CCAR1: variants seen among roughly 807,000 people sequenced by gnomAD.
CCAR1 encodes the protein cell division cycle and apoptosis regulator protein 1.
A neutral mutation model predicts 163.8 loss-of-function variants in CCAR1; 78 were observed. The ratio of observed to expected loss-of-function variants is 0.48; its 90% CI spans 0.40 to 0.57. CCAR1 has a LOEUF of 0.57. CCAR1 is among the 20% of genes least tolerant of loss of function. The probability of loss-of-function intolerance (pLI) is 0.00; values close to 1 mark genes in which losing one functional copy is unlikely to be tolerated. For missense variants in CCAR1, 1,019 were observed against 1,365.2 expected (o/e 0.75, Z 4.00); for synonymous variants, 443 against 460.7 (o/e 0.96, Z 0.49).
At chr10:68,777,094 T>G (rs980000319) in intron 19 of CCAR1, among the ~76,000 whole-genome samples, 11 of 152,210 alleles carry the variant, frequency 7.2e-5, no homozygotes, top group Non-Finnish European at 8.8e-5. Flanking sequence ...TTCCTTTCTT[T>G]CTGCAGTACC....
At chr10:68,747,092 A>G in intron 6 of CCAR1, 69 bp from the exon 7 acceptor site, 1 of 791,136 alleles carries the variant, frequency 1.3e-6, no homozygotes, top group Non-Finnish European at 2.0e-6. Context: ...AACTATGTAA[A>G]TCATTTTGGG....
At chr10:68,743,732 GTTTATTTA>G (rs1266621611) in intron 6 of CCAR1, among the ~76,000 whole-genome samples, 40 of 9,790 alleles carry the variant, frequency 4.1e-3, no homozygotes, top group East Asian at 0.083. Flanking sequence ...TTATTTGTTT[GTTTATTTA>G]TTTATTTATT....
intron 10 of CCAR1, among the ~76,000 whole-genome samples, chr10:68,750,214 C>CTTTTT (rs58204351): frequency 5.7e-5 from 3 of 52,986 alleles, no homozygotes; most frequent in African/African-American, 4.6e-5. Flanking sequence ...TTTCTTTTTT[C>CTTTTT]TTTTTTTTTT....
chr10:68,773,665 C>T (rs77597252), intron 19 of CCAR1, among the ~76,000 whole-genome samples: 1 of 136,682 alleles, frequency 7.3e-6, no homozygotes, highest in Non-Finnish European at 1.6e-5. Flanking sequence ...GACCCTGTCT[C>T]AAAAAAAAAA....
Position 68,749,081 on chromosome 10 carries a change from T to C in CCAR1, c.827-55T>C. 3.7e-6 allele frequency: 6 copies of C among 1,605,490 alleles called. No individual in the cohort carries two copies. In the South Asian group the frequency reaches 5.6e-5, roughly 15 times the overall value. Reference sequence around the variant, plus strand: ...TTGTTCCTCTAATTTTATCAGGTAATGCCTTCGAACTTTGTTTAGACACGC... The same window carrying C: ...TTGTTCCTCTAATTTTATCAGGTAACGCCTTCGAACTTTGTTTAGACACGC... On this transcript the variant is annotated intron_variant, in intron 8 of 24. Transcript: ENST00000265872.
chr10:68,744,628 G>A (rs1393291973), intron 6 of CCAR1, among the ~76,000 whole-genome samples: 1 of 152,154 alleles, frequency 6.6e-6, no homozygotes, highest in Non-Finnish European at 1.5e-5. Context: ...CTGTAAAAGA[G>A]ATTCCTGTTT....
chr10:68,721,347 G>C (rs1564524078), intron 1 of CCAR1, 65 bp downstream of exon 1: 2 of 260,808 alleles, frequency 7.7e-6, no homozygotes, highest in African/African-American at 2.4e-5. Flanking sequence ...ACATCTTGTC[G>C]AATCTGTGGA....
chr10:68,790,104 A>T (rs1743588464), intron 24 of CCAR1, among the ~76,000 whole-genome samples, 189 bp downstream of exon 24: 2 of 152,304 alleles, frequency 1.3e-5, no homozygotes, highest in South Asian at 2.1e-4. Flanking sequence ...CTGTAATCCC[A>T]GCACTTTGGG....
chr10:68,748,362 C>T (rs2056285446), intron 8 of CCAR1, among the ~76,000 whole-genome samples: 2 of 151,734 alleles, frequency 1.3e-5, no homozygotes, highest in Admixed American at 6.6e-5. Context: ...ATCACGCCAT[C>T]GCACTTCAGT....
chr10:68,727,003 TA>T (rs531688864), intron 2 of CCAR1, among the ~76,000 whole-genome samples: 1 of 145,810 alleles, frequency 6.9e-6, no homozygotes, highest in Non-Finnish European at 1.5e-5. Flanking sequence ...CAAAAAAAAA[TA>T]AAAATAAAAA....
intron 10 of CCAR1, among the ~76,000 whole-genome samples, chr10:68,752,120 G>A (rs536027612): frequency 1.5e-4 from 22 of 151,530 alleles, no homozygotes; most frequent in African/African-American, 4.8e-4. Flanking sequence ...GGGTTTCGCC[G>A]TGTTAGCCAG....
rs545467053 is a variant in CCAR1 at position 68,790,050 on chromosome 10, G to C, written c.3393+135G>C. ...AATGATAGCATTGTGACCTTCCTGA[G>C]ATTAGTAAAAAGTGATTCACAGGCT... On this transcript the variant is annotated intron_variant, in intron 24 of 24. Transcript: ENST00000265872. 1.4e-4 allele frequency: 79 copies of C among 569,484 alleles called. No individual in the cohort carries two copies. The African/African-American group carries it at 1.5e-3, about 11-fold the overall frequency. The allele number at this position is 569,484 out of a possible 1,614,324, so 35.3% of individuals were successfully genotyped here. A position where few individuals can be genotyped will look rare whatever the true frequency, so the allele number is the denominator to read the frequency against.
intron 2 of CCAR1, among the ~76,000 whole-genome samples, chr10:68,727,018 A>G (rs540316511): frequency 3.7e-4 from 56 of 151,076 alleles, no homozygotes; most frequent in South Asian, 1.9e-3. Flanking sequence ...ATAAAAAAAT[A>G]AATTCACAGA....
At position 68,791,307 on chromosome 10, in the gene CCAR1, A is replaced by C. The variant is rs764565570; in HGVS notation, c.*41A>C. ...GATGAGGAATGGTGTTAAATAATGTAATATATAAAAATCATGATATAAGAA... is the reference window on the plus strand; with the variant it reads ...GATGAGGAATGGTGTTAAATAATGTCATATATAAAAATCATGATATAAGAA... On this transcript the variant is annotated 3_prime_UTR_variant, in exon 25 of 25. Transcript: ENST00000265872. 2.3e-6 allele frequency: 3 copies of C among 1,298,702 alleles called. No individual in the cohort carries two copies. The South Asian group carries it at 4.1e-5, about 18-fold the overall frequency. The allele number at this position is 1,298,702 out of a possible 1,614,324, so 80.4% of individuals were successfully genotyped here. A position where few individuals can be genotyped will look rare whatever the true frequency, so the allele number is the denominator to read the frequency against.
intron 15 of CCAR1, among the ~76,000 whole-genome samples, chr10:68,759,694 G>A (rs1178798344): frequency 6.6e-6 from 1 of 151,906 alleles, no homozygotes; most frequent in Non-Finnish European, 1.5e-5. Flanking sequence ...TGAGCCATGA[G>A]CCATGGTTGT....
chr10:68,732,144 G>A (rs980038238), intron 2 of CCAR1, among the ~76,000 whole-genome samples: 1 of 152,148 alleles, frequency 6.6e-6, no homozygotes, highest in East Asian at 1.9e-4. Context: ...ATCTAAGGCC[G>A]TGGTTCAGGT....
At chr10:68,781,871 CAAAG>C (rs2056740626) in intron 19 of CCAR1, among the ~76,000 whole-genome samples, 1 of 151,914 alleles carries the variant, frequency 6.6e-6, no homozygotes, top group Non-Finnish European at 1.5e-5. Context: ...ATCATAATAA[CAAAG>C]AAAAAACCCA....
chr10:68,760,326 T>G (rs1279952454), intron 15 of CCAR1, among the ~76,000 whole-genome samples: 3 of 152,142 alleles, frequency 2.0e-5, no homozygotes, highest in Admixed American at 6.6e-5. Context: ...TTATGAGACA[T>G]TTAGACTCTT....
intron 10 of CCAR1, among the ~76,000 whole-genome samples, chr10:68,751,286 CA>C (rs1281721462): frequency 6.6e-6 from 1 of 152,032 alleles, no homozygotes; most frequent in Non-Finnish European, 1.5e-5. Flanking sequence ...CTCAGCCTCC[CA>C]AAGTGCTGGG....
Sources: allele counts gnomAD v4.1 joint callset (sites outside exome capture counted in the v4.1 genomes callset), GRCh38; gene constraint gnomAD v4.1.1; transcripts MANE v1.5; gene names NCBI Gene and HGNC (gene_info 2026-07-23, HGNC 2026-07-21).